ATP8B1: variants seen among roughly 807,000 people sequenced by gnomAD.
ATP8B1 encodes phospholipid-transporting ATPase IC.
Under a neutral mutation model 149.9 loss-of-function variants are expected in ATP8B1, and 80 were observed. The observed-to-expected ratio is 0.53, with a 90% CI of 0.45 to 0.64. The LOEUF is 0.64. Ranked by LOEUF, ATP8B1 falls within the 30% of genes least tolerant of loss-of-function variation. The probability of loss-of-function intolerance (pLI) is 0.00; values close to 1 mark genes in which losing one functional copy is unlikely to be tolerated. For synonymous variants in ATP8B1, 536 were observed against 562.8 expected (o/e 0.95, Z 0.67); for missense variants, 1,247 against 1,552.6 (o/e 0.80, Z 3.31).
intron 1 of ATP8B1, among the ~76,000 whole-genome samples, chr18:57,756,262 TA>T (rs2080079929): frequency 2.4e-5 from 3 of 125,224 alleles, no homozygotes; most frequent in South Asian, 5.0e-4. Flanking sequence ...CATATATATA[TA>T]TGAAATATTT....
At position 57,796,772 on chromosome 18, in the gene ATP8B1, C is replaced by T. The variant is rs78152699; in HGVS notation, c.-26+6226G>A. 2.3e-3 allele frequency among the ~76,000 whole-genome samples: 355 copies of T among 152,220 alleles called. 9 individuals are homozygous for T. In the East Asian group the frequency reaches 0.062, roughly 27 times the overall value. Reference sequence around the variant, plus strand: ...TGCAATCTCAGCTCACTGCAACCTCCGCCTCCCGGATTCAAGCGATTCTCC... The same window carrying T: ...TGCAATCTCAGCTCACTGCAACCTCTGCCTCCCGGATTCAAGCGATTCTCC... On this transcript the variant is annotated intron_variant, in intron 1 of 27. Coordinates refer to ENST00000648908, the MANE Select transcript of ATP8B1 (RefSeq NM_001374385.1).
chr18:57,671,965 T>G (rs1305085854), intron 16 of ATP8B1, among the ~76,000 whole-genome samples: 1 of 152,214 alleles, frequency 6.6e-6, no homozygotes, highest in African/African-American at 2.4e-5. Flanking sequence ...AAAGTTAATT[T>G]GAAATGTTAC....
chr18:57,783,610 T>G (rs542441210), intron 1 of ATP8B1, among the ~76,000 whole-genome samples: 28 of 152,156 alleles, frequency 1.8e-4, no homozygotes, highest in Admixed American at 1.2e-3. Flanking sequence ...CCAAGGCAGG[T>G]GGATCACTTG....
intron 2 of ATP8B1, among the ~76,000 whole-genome samples, chr18:57,722,233 G>T (rs908136113): frequency 1.3e-5 from 2 of 151,684 alleles, no homozygotes; most frequent in African/African-American, 4.9e-5. Flanking sequence ...CAGAAGGCAA[G>T]AAATAACTAA....
chr18:57,756,595 G>C (rs2080086974), intron 1 of ATP8B1, among the ~76,000 whole-genome samples: 1 of 151,802 alleles, frequency 6.6e-6, no homozygotes, highest in Admixed American at 6.6e-5. Flanking sequence ...ACTGTGCCCG[G>C]CCTCCACAAC....
intron 2 of ATP8B1, among the ~76,000 whole-genome samples, chr18:57,715,052 C>T (rs906361528): frequency 2.3e-4 from 35 of 152,150 alleles, no homozygotes; most frequent in African/African-American, 8.4e-4. Flanking sequence ...TTCAAGATAG[C>T]ACAGAGAAGA....
chr18:57,754,740 G>A (rs1388303905), intron 1 of ATP8B1, among the ~76,000 whole-genome samples: 2 of 152,182 alleles, frequency 1.3e-5, no homozygotes, highest in Non-Finnish European at 2.9e-5. Flanking sequence ...TTACTTTCGT[G>A]TGTTGAATCA....
intron 2 of ATP8B1, among the ~76,000 whole-genome samples, chr18:57,708,947 G>A (rs1913556457): frequency 1.3e-5 from 2 of 152,144 alleles, no homozygotes; most frequent in East Asian, 1.9e-4. Flanking sequence ...GTGCAGTGAG[G>A]GGTTACCAGA....
chr18:57,668,256 G>A (rs1911003439), intron 19 of ATP8B1, 173 bp downstream of exon 19: 1 of 1,387,274 alleles, frequency 7.2e-7, no homozygotes, highest in African/African-American at 1.4e-5. Flanking sequence ...AGGAAAGGAT[G>A]CAGAAGAATG....
rs182412663 is a variant in ATP8B1, at chr18:57,668,852, G to A, written c.2098-312C>T. On this transcript the variant is annotated intron_variant, in intron 18 of 27. Coordinates refer to ENST00000648908, the MANE Select transcript of ATP8B1 (RefSeq NM_001374385.1). Reference sequence around the variant, plus strand: ...TTGTGGCTTTATACTGACATAAACCGTAAACCAGTTGCAATACTAGCTATT... The same window carrying A: ...TTGTGGCTTTATACTGACATAAACCATAAACCAGTTGCAATACTAGCTATT... 2.1e-3 allele frequency: 604 copies of A among 287,590 alleles called. 2 individuals are homozygous for A. Among genetic ancestry groups the A allele is most frequent in the African/African-American group, 0.012 (550 of 45,214 alleles). 17.8% of individuals were successfully genotyped at this position (287,590 alleles called of 1,614,324 possible). A position where few individuals can be genotyped will look rare whatever the true frequency, so the allele number is the denominator to read the frequency against.
intron 15 of ATP8B1, among the ~76,000 whole-genome samples, chr18:57,683,825 A>G (rs1912099717): frequency 1.3e-5 from 2 of 152,354 alleles, no homozygotes; most frequent in South Asian, 2.1e-4. Flanking sequence ...AGCTATAGCT[A>G]TGAATAAGTG....
chr18:57,795,211 C>T (rs567196664), intron 1 of ATP8B1, among the ~76,000 whole-genome samples: 2 of 151,732 alleles, frequency 1.3e-5, no homozygotes, highest in South Asian at 4.2e-4. Context: ...GGCGACATAT[C>T]GAGACACACA....
intron 1 of ATP8B1, among the ~76,000 whole-genome samples, chr18:57,794,345 C>T (rs2080490381): frequency 6.6e-6 from 1 of 151,246 alleles, no homozygotes; most frequent in Non-Finnish European, 1.5e-5. Flanking sequence ...TATACCAGGA[C>T]ACCTATAAGC....
intron 1 of ATP8B1, among the ~76,000 whole-genome samples, chr18:57,767,208 G>A (rs1390985813): frequency 1.3e-5 from 2 of 152,154 alleles, no homozygotes; most frequent in South Asian, 2.1e-4. Context: ...CATCAGCTCC[G>A]GGAGAAGGCA....
At chr18:57,761,249 T>A (rs1223764242) in intron 1 of ATP8B1, among the ~76,000 whole-genome samples, 1 of 152,162 alleles carries the variant, frequency 6.6e-6, no homozygotes, top group Non-Finnish European at 1.5e-5. Context: ...ACTGTGTTGT[T>A]GTTGCTATCA....
intron 5 of ATP8B1, 23 bp downstream of exon 5, chr18:57,701,192 A>G: frequency 6.2e-7 from 1 of 1,613,330 alleles, no homozygotes; most frequent in Non-Finnish European, 8.5e-7. Flanking sequence ...CAATGAGTAG[A>G]ACGTTGTATG....
intron 20 of ATP8B1, among the ~76,000 whole-genome samples, chr18:57,664,118 C>T (rs1439447357): frequency 4.8e-5 from 7 of 146,110 alleles, no homozygotes; most frequent in East Asian, 2.0e-4. Context: ...TACTATGTCT[C>T]GATTCATCCA....
intron 1 of ATP8B1, among the ~76,000 whole-genome samples, chr18:57,754,492 T>C (rs2080058707): frequency 6.6e-6 from 1 of 152,202 alleles, no homozygotes; most frequent in Non-Finnish European, 1.5e-5. Context: ...TTCCTCAGTT[T>C]ATCATCTGTA....
chr18:57,727,324 T>C (rs1480481106), intron 2 of ATP8B1, among the ~76,000 whole-genome samples: 1 of 151,878 alleles, frequency 6.6e-6, no homozygotes, highest in African/African-American at 2.4e-5. Context: ...AAATGGAAAA[T>C]TCATCTTATT....
Sources: gnomAD v4.1 joint callset for allele counts (sites outside exome capture counted in the v4.1 genomes callset) on GRCh38, gnomAD v4.1.1 for gene constraint, MANE v1.5 for transcripts, NCBI Gene and HGNC (gene_info 2026-07-23, HGNC 2026-07-21) for gene names.